CFAP61: variants seen among roughly 807,000 people sequenced by gnomAD.
CFAP61 encodes cilia and flagella associated protein 61.
A neutral mutation model predicts 135.6 loss-of-function variants in CFAP61; 107 were observed. The observed-to-expected ratio is 0.79, with a 90% CI of 0.67 to 0.93. The LOEUF is 0.93. CFAP61 is among the 40% of genes least tolerant of loss of function. The pLI is 0.00. For synonymous variants in CFAP61, 575 were observed against 578.5 expected, an observed-to-expected ratio of 0.99 and a Z score of 0.09; for missense variants, 1,507 against 1,556.2, an observed-to-expected ratio of 0.97 and a Z score of 0.53.
chr20:20,193,862 C>A (rs1250793800), intron 15 of CFAP61, among the ~76,000 whole-genome samples: 6 of 152,154 alleles, frequency 3.9e-5, no homozygotes, highest in African/African-American at 1.2e-4. Flanking sequence ...GATCTGCCCC[C>A]CTCAACCTCC....
intron 6 of CFAP61, among the ~76,000 whole-genome samples, chr20:20,086,335 G>A (rs2046800665): frequency 9.8e-6 from 1 of 101,774 alleles, no homozygotes; most frequent in African/African-American, 4.5e-5. Context: ...CCCCACAACA[G>A]TCCCTGGAGT....
chr20:20,084,296 T>A (rs1338770473), intron 6 of CFAP61, among the ~76,000 whole-genome samples: 1 of 152,262 alleles, frequency 6.6e-6, no homozygotes, highest in Non-Finnish European at 1.5e-5. Context: ...ATTTTACAAC[T>A]GTACATTTTA....
At chr20:20,313,038 C>G (rs961136289) in intron 25 of CFAP61, among the ~76,000 whole-genome samples, 2 of 152,162 alleles carry the variant, frequency 1.3e-5, no homozygotes, top group Non-Finnish European at 2.9e-5. Flanking sequence ...ATTATGTCCT[C>G]TCACCAAATG....
intron 14 of CFAP61, among the ~76,000 whole-genome samples, chr20:20,188,604 G>T (rs1265301011): frequency 6.6e-6 from 1 of 152,182 alleles, no homozygotes; most frequent in East Asian, 1.9e-4. Flanking sequence ...GCATGTATGT[G>T]CTATGGCAAA....
chr20:20,057,473 C>A (rs2044453285), intron 2 of CFAP61, among the ~76,000 whole-genome samples: 1 of 152,168 alleles, frequency 6.6e-6, no homozygotes, highest in South Asian at 2.1e-4. Context: ...TGTTCTGATA[C>A]TTCTCTGAGG....
intron 6 of CFAP61, among the ~76,000 whole-genome samples, chr20:20,075,986 G>A (rs931380692): frequency 6.6e-6 from 1 of 152,140 alleles, no homozygotes; most frequent in Non-Finnish European, 1.5e-5. Flanking sequence ...CAGTGAATGA[G>A]GATGCTGTTG....
At chr20:20,139,170 T>A (rs1486376262) in intron 8 of CFAP61, among the ~76,000 whole-genome samples, 1 of 152,254 alleles carries the variant, frequency 6.6e-6, no homozygotes, top group Admixed American at 6.5e-5. Context: ...ACTCCGTATG[T>A]ATTATTCCTA....
intron 26 of CFAP61, among the ~76,000 whole-genome samples, chr20:20,357,171 A>AGT (rs1309875305): frequency 1.4e-4 from 13 of 91,296 alleles, no homozygotes; most frequent in South Asian, 3.8e-4. Flanking sequence ...AGGTGGTCAC[A>AGT]CTGAGGGGAG....
chr20:20,137,466 A>G (rs939517046), intron 8 of CFAP61, among the ~76,000 whole-genome samples: 3 of 152,124 alleles, frequency 2.0e-5, no homozygotes, highest in African/African-American at 7.2e-5. Flanking sequence ...GCACTAGGCA[A>G]AGTACTTTCC....
At position 20,324,890 on chromosome 20, in the gene CFAP61, G is replaced by A. The variant is rs528871153; in HGVS notation, c.3423-16941G>A. On this transcript the variant is annotated intron_variant, in intron 25 of 26. Coordinates refer to ENST00000245957, the MANE Select transcript of CFAP61 (RefSeq NM_015585.4). ...TCATTCTTTGCCCATTTTTAATTAG[G>A]TTGCCTGTTTCTTTTTCATTTATGA... 3.3e-5 allele frequency among the ~76,000 whole-genome samples: 5 copies of A among 152,120 alleles called. No individual in the cohort carries two copies. In the South Asian group the frequency reaches 8.3e-4, roughly 25 times the overall value.
chr20:20,195,932 T>G (rs1237219760), intron 15 of CFAP61, among the ~76,000 whole-genome samples: 2 of 151,952 alleles, frequency 1.3e-5, no homozygotes, highest in Admixed American at 1.3e-4. Context: ...TACAAAAAAA[T>G]TAGCCAGGCG....
intron 12 of CFAP61, among the ~76,000 whole-genome samples, chr20:20,168,752 C>A (rs1228787242): frequency 6.6e-6 from 1 of 152,196 alleles, no homozygotes; most frequent in Non-Finnish European, 1.5e-5. Context: ...CATGCAAGAC[C>A]TCTTATGTCT....
At chr20:20,286,914 T>C (rs1265779774) in intron 22 of CFAP61, among the ~76,000 whole-genome samples, 1 of 152,188 alleles carries the variant, frequency 6.6e-6, no homozygotes, top group African/African-American at 2.4e-5. Context: ...GAAAGAAAAT[T>C]GGGTAGGTAG....
At chr20:20,161,637 G>A (rs1176748740) in intron 10 of CFAP61, among the ~76,000 whole-genome samples, 1 of 152,180 alleles carries the variant, frequency 6.6e-6, no homozygotes, top group African/African-American at 2.4e-5. Flanking sequence ...GAAAAGCTGG[G>A]CAGTCTGATG....
intron 25 of CFAP61, among the ~76,000 whole-genome samples, chr20:20,311,316 A>G (rs77634737): frequency 0.04 from 6,054 of 152,296 alleles, 423 homozygotes; most frequent in African/African-American, 0.14. Flanking sequence ...GTGGAATTCT[A>G]TAACTTTTTT....
At chr20:20,217,804 T>C (rs2146929756) in intron 17 of CFAP61, among the ~76,000 whole-genome samples, 1 of 152,306 alleles carries the variant, frequency 6.6e-6, no homozygotes, top group East Asian at 1.9e-4. Flanking sequence ...CTCCTTCTCC[T>C]CCCTTTGTGT....
intron 12 of CFAP61, 105 bp from the exon 13 acceptor site, chr20:20,169,216 A>G (rs1052813334): frequency 2.7e-6 from 3 of 1,103,450 alleles, no homozygotes; most frequent in Admixed American, 4.3e-5. Context: ...CCTCTCCTTA[A>G]TCAACACATT....
Position 20,100,630 on chromosome 20 carries a change from T to TG in CFAP61, c.859+1816_859+1817insG, listed in dbSNP as rs1350028414. On this transcript the variant is annotated intron_variant, in intron 8 of 26. Coordinates refer to ENST00000245957, the MANE Select transcript of CFAP61 (RefSeq NM_015585.4). ...AGTAAGTCCTGAACATTTAAAAATA[T>TG]TTTTTCCCCTGTGGCTGTTGTAATG... Among the ~76,000 whole-genome samples, 202 of 152,284 alleles carry TG rather than the reference T, an allele frequency of 1.3e-3. 2 individuals are homozygous for TG. The highest frequency in any genetic ancestry group is 3.1e-4 in the Non-Finnish European group (21 of 68,020).
intron 8 of CFAP61, among the ~76,000 whole-genome samples, chr20:20,135,305 G>C (rs1167002419): frequency 1.3e-5 from 2 of 152,180 alleles, no homozygotes; most frequent in African/African-American, 4.8e-5. Context: ...AGAATTGTGA[G>C]AGAATAAATT....
Sources: gnomAD v4.1 joint callset for allele counts (sites outside exome capture counted in the v4.1 genomes callset) on GRCh38, gnomAD v4.1.1 for gene constraint, MANE v1.5 for transcripts, NCBI Gene and HGNC (gene_info 2026-07-23, HGNC 2026-07-21) for gene names.